The following PER2 variants were observed in gnomAD, a reference collection of about 807,000 sequenced individuals.
The protein encoded by PER2 is period circadian regulator 2, also known as period circadian protein homolog 2.
A neutral mutation model predicts 121.0 loss-of-function variants in PER2; 66 were observed. The observed-to-expected ratio is 0.55, with a 90% CI of 0.45 to 0.67. The LOEUF is 0.67. Among genes scored for constraint, PER2 ranks in the 30% least tolerant of loss-of-function variants. The pLI is 0.00. For missense variants in PER2, 1,521 were observed against 1,635.0 expected (o/e 0.93, Z 1.20); for synonymous variants, 684 against 659.9 (o/e 1.04, Z -0.56).
At chr2:238,295,284 T>TCTTCTTCTTTCTCCTTCTCCTTCTC in the PER2 span, 1 of 113,574 alleles carries the variant, frequency 8.8e-6, no homozygotes, top group African/African-American at 2.7e-5. Context: ...TTCTCCTTCT[T>TCTTCTTCTTTCTCCTTCTCCTTCTC]CTTCTTCTTT....
At chr2:238,291,270 C>G (rs1370901598), upstream of PER2, among the ~76,000 whole-genome samples, 1 of 152,242 alleles carries the variant, frequency 6.6e-6, no homozygotes, top group African/African-American at 2.4e-5. Flanking sequence ...TCCCACCAGC[C>G]TGTTTCCACC....
rs1028971590 is a variant in PER2 at position 238,257,467 on chromosome 2, CCT to C, written c.1901-383_1901-382del. Among the ~76,000 whole-genome samples, 13 of 152,058 alleles carry C rather than the reference CCT, an allele frequency of 8.5e-5. 1 individual carries two copies. Among genetic ancestry groups the C allele is most frequent in the Non-Finnish European group, 1.5e-5 (1 of 67,982 alleles). Reference sequence around the variant, plus strand: ...AGGAGCCAACCATAATCCGGGATACCCTGTTTCTTTCTTTTTTCTTTTTTGAG... The same window carrying C: ...AGGAGCCAACCATAATCCGGGATACCGTTTCTTTCTTTTTTCTTTTTTGAG... On this transcript the variant is annotated intron_variant, in intron 16 of 22. Coordinates refer to ENST00000254657, the MANE Select transcript of PER2 (RefSeq NM_022817.3).
At chr2:238,279,750 T>C (rs1458938837) in intron 1 of PER2, among the ~76,000 whole-genome samples, 2 of 152,162 alleles carry the variant, frequency 1.3e-5, no homozygotes, top group African/African-American at 4.8e-5. Flanking sequence ...CCAAGGATCA[T>C]ACAATTGGTC....
rs191134594 is a variant in PER2 at position 238,248,609 on chromosome 2, T to G, written c.3618+453A>C. On this transcript the variant is annotated intron_variant, in intron 22 of 22. Coordinates refer to ENST00000254657, the MANE Select transcript of PER2 (RefSeq NM_022817.3). ...GCCACTGGAGAAAAGTTCTTTGAAG[T>G]GGACCTAGTGCTGTGCCTTTAAAAA... 1.0e-3 allele frequency among the ~76,000 whole-genome samples: 152 copies of G among 152,148 alleles called. 2 individuals carry two copies. Among genetic ancestry groups the G allele is most frequent in the Non-Finnish European group, 1.9e-4 (13 of 67,998 alleles).
upstream of PER2, among the ~76,000 whole-genome samples, chr2:238,294,493 G>A (rs781488687): frequency 1.2e-4 from 19 of 152,174 alleles, no homozygotes; most frequent in African/African-American, 2.2e-4. Context: ...CGGGCCCCCC[G>A]TGGCCTGTAA....
chr2:238,289,300 TTCAC>T (rs1296748466), upstream of PER2: 1 of 152,176 alleles, frequency 6.6e-6, no homozygotes, highest in African/African-American at 2.4e-5. Context: ...CATTTACTCA[TTCAC>T]TCACTCATTC....
intron 12 of PER2, chr2:238,261,328 G>A (rs1157043637): frequency 1.3e-5 from 5 of 392,964 alleles, no homozygotes; most frequent in South Asian, 3.1e-5. Context: ...CAGGTGTGGG[G>A]TTGACTGCAG....
In PER2 at chr2:238,257,055, GC is replaced by G. The variant is rs1559325580; in HGVS notation, c.1931del (p.Arg644ProfsTer4). 2 of 1,613,158 alleles carry G rather than the reference GC, an allele frequency of 1.2e-6. No homozygotes were observed. The highest frequency in any genetic ancestry group is 2.7e-5 in the African/African-American group (2 of 75,042). On this transcript the variant is annotated frameshift_variant, in exon 17 of 23. Coordinates refer to ENST00000254657, the MANE Select transcript of PER2 (RefSeq NM_022817.3). LOFTEE classifies it high-confidence loss of function. ...AGGTCAGGTGCGTACCTACTCCCGT[GC>G]GGCTGTTCACCCTGGAGGGCGGCTC... Reference protein sequence around the residue: ...EAEPPSRVNSRTGVGTHLTSL... With the variant: ...EAEPPSRVNSXTGVGTHLTSL...
intron 1 of PER2, among the ~76,000 whole-genome samples, chr2:238,278,251 G>A (rs1157846177): frequency 6.6e-6 from 1 of 151,918 alleles, no homozygotes; most frequent in Non-Finnish European, 1.5e-5. Flanking sequence ...TTGTATTTTT[G>A]GTAGAGACAG....
chr2:238,284,011 C>T (rs1203951923), intron 1 of PER2, among the ~76,000 whole-genome samples: 1 of 152,148 alleles, frequency 6.6e-6, no homozygotes, highest in African/African-American at 2.4e-5. Flanking sequence ...CCTTAACCTC[C>T]CTGAGCCTTG....
chr2:238,261,858 T>C (rs1458013340), intron 11 of PER2, 21 bp from the exon 12 acceptor site: 7 of 1,529,986 alleles, frequency 4.6e-6, no homozygotes, highest in Non-Finnish European at 6.2e-6. Flanking sequence ...TTAATTCATC[T>C]TGTTAGATGG....
At chr2:238,284,934 C>A (rs945755389) in intron 1 of PER2, among the ~76,000 whole-genome samples, 1 of 152,078 alleles carries the variant, frequency 6.6e-6, no homozygotes, top group Non-Finnish European at 1.5e-5. Flanking sequence ...CTCCTGCCCT[C>A]CACAGATGTG....
chr2:238,278,082 C>CTCTG, intron 1 of PER2, 127 bp from the exon 2 acceptor site: 3 of 993,012 alleles, frequency 3.0e-6, no homozygotes, highest in Admixed American at 2.0e-5. Context: ...TCTTTCTTCT[C>CTCTG]TCTGTCTCTC....
At chr2:238,265,477 A>C (rs1436666969) in intron 9 of PER2, 35 bp downstream of exon 9, 1 of 1,397,790 alleles carries the variant, frequency 7.2e-7, no homozygotes, top group African/African-American at 1.4e-5. Context: ...TTTATATCAA[A>C]AACATGAAAA....
chr2:238,263,627 A>G (rs1696002485), intron 9 of PER2, among the ~76,000 whole-genome samples: 1 of 152,070 alleles, frequency 6.6e-6, no homozygotes, highest in Non-Finnish European at 1.5e-5. Flanking sequence ...GAACTTCAGC[A>G]GCACCTTCTG....
At position 238,273,101 on chromosome 2, in the gene PER2, C is replaced by G; in HGVS notation, c.539G>C (p.Ser180Thr). ...VPSYTVEEME[S>T]VTSEHIVKNA... ...CTTCACAATGTGCTCAGAGGTAACG[C>G]TCTCCATCTCCTCCACGGTGTAGGA... Residue 180 changes from serine to threonine, a missense_variant, in exon 5 of 23, where the codon AGC becomes ACC. Coordinates refer to ENST00000254657, the MANE Select transcript of PER2 (RefSeq NM_022817.3). The G allele has an allele frequency of 6.2e-7, 1 of 1,614,048 alleles. No homozygotes were observed. Among genetic ancestry groups the G allele is most frequent in the Non-Finnish European group, 8.5e-7 (1 of 1,179,894 alleles).
At chr2:238,262,491 T>C (rs1243144976) in intron 10 of PER2, 147 bp from the exon 11 acceptor site, 1 of 736,178 alleles carries the variant, frequency 1.4e-6, no homozygotes, top group Non-Finnish European at 2.3e-6. Context: ...GCTTTCAACC[T>C]CCTGTTTTTG....
chr2:238,298,129 G>T, the PER2 span, among the ~76,000 whole-genome samples: 1 of 151,000 alleles, frequency 6.6e-6, no homozygotes, highest in African/African-American at 2.4e-5. Flanking sequence ...CCGCCTCCCG[G>T]GTTCACCCCA....
At position 238,271,779 on chromosome 2, in the gene PER2, G is replaced by A. The variant is rs182048294; in HGVS notation, c.571-266C>T. Among the ~76,000 whole-genome samples the A allele has an allele frequency of 1.0e-3, 158 of 152,254 alleles. 1 individual carries two copies. Among genetic ancestry groups the A allele is most frequent in the African/African-American group, 3.4e-3 (141 of 41,548 alleles). On this transcript the variant is annotated intron_variant, in intron 5 of 22. Coordinates refer to ENST00000254657, the MANE Select transcript of PER2 (RefSeq NM_022817.3). ...CAAAGGGCATCAGCCTAATGGCTAAGGTCAACATGACCATAAACCACAAAT... is the reference window on the plus strand; with the variant it reads ...CAAAGGGCATCAGCCTAATGGCTAAAGTCAACATGACCATAAACCACAAAT...
Sources: allele counts gnomAD v4.1 joint callset (sites outside exome capture counted in the v4.1 genomes callset), GRCh38; gene constraint gnomAD v4.1.1; transcripts MANE v1.5; gene names NCBI Gene and HGNC (gene_info 2026-07-23, HGNC 2026-07-21).